The following TRIO variants were observed in gnomAD, a reference collection of about 807,000 sequenced individuals.
TRIO encodes the protein trio Rho guanine nucleotide exchange factor.
Under a neutral mutation model 351.9 loss-of-function variants are expected in TRIO, and 58 were observed. That is an observed-to-expected ratio of 0.16 (90% confidence interval 0.13 to 0.21). TRIO has a LOEUF of 0.21. Ranked by LOEUF, TRIO falls within the 10% of genes least tolerant of loss-of-function variation. TRIO has a pLI of 1.00. For missense variants in TRIO, 3,201 were observed against 4,027.8 expected, an observed-to-expected ratio of 0.79 and a Z score of 5.56; for synonymous variants, 1,758 against 1,595.7, an observed-to-expected ratio of 1.10 and a Z score of -2.42.
At chr5:14,269,067 A>C (rs1795847522) in intron 1 of TRIO, among the ~76,000 whole-genome samples, 1 of 152,194 alleles carries the variant, frequency 6.6e-6, no homozygotes, top group African/African-American at 2.4e-5. Flanking sequence ...TGCATTGGAA[A>C]GGAAAATGGC....
intron 41 of TRIO, among the ~76,000 whole-genome samples, chr5:14,478,786 CAAAAAAAAA>C (rs1187243670): frequency 7.4e-5 from 7 of 95,002 alleles, no homozygotes; most frequent in African/African-American, 2.7e-4. Context: ...TCCATCCCTA[CAAAAAAAAA>C]AAAAAAAAAA....
At chr5:14,279,348 A>G (rs1310643922) in intron 2 of TRIO, among the ~76,000 whole-genome samples, 1 of 148,690 alleles carries the variant, frequency 6.7e-6, no homozygotes, top group Non-Finnish European at 1.5e-5. Flanking sequence ...AAAGGAAAGA[A>G]TCTTCTGGGT....
chr5:14,279,945 A>G (rs945339758), intron 2 of TRIO, among the ~76,000 whole-genome samples: 6 of 152,230 alleles, frequency 3.9e-5, no homozygotes, highest in African/African-American at 1.4e-4. Context: ...CAATGGGGAA[A>G]AATGTGGGGG....
intron 53 of TRIO, chr5:14,499,261 CA>C (rs1757110392): frequency 6.6e-6 from 1 of 152,560 alleles, no homozygotes; most frequent in Admixed American, 6.5e-5. Flanking sequence ...CTGCTTGCTC[CA>C]GTGTGAAGAG....
Position 14,143,690 on chromosome 5 carries a change from C to A in TRIO, c.-36C>A. 1.0e-6 allele frequency: 1 copy of A among 967,426 alleles called. No individual in the cohort carries two copies. The highest frequency in any genetic ancestry group is 1.2e-6 in the Non-Finnish European group (1 of 817,388). The allele number at this position is 967,426 out of a possible 1,614,324, so 59.9% of individuals were successfully genotyped here. ...GGCACGCGGCGCTAGGGGCGCGGGGCCCGAGGCGGGCGCGGCCGCGGGCGC... is the reference window on the plus strand; with the variant it reads ...GGCACGCGGCGCTAGGGGCGCGGGGACCGAGGCGGGCGCGGCCGCGGGCGC... On this transcript the variant is annotated 5_prime_UTR_variant, in exon 1 of 57. Coordinates refer to ENST00000344204, the MANE Select transcript of TRIO (RefSeq NM_007118.4).
intron 2 of TRIO, among the ~76,000 whole-genome samples, chr5:14,279,501 C>G (rs182130223): frequency 4.6e-5 from 7 of 152,296 alleles, no homozygotes; most frequent in Admixed American, 1.3e-4. Context: ...AATGAAGGAT[C>G]CACTTGAGAA....
At chr5:14,157,122 A>C (rs958436050) in intron 1 of TRIO, among the ~76,000 whole-genome samples, 13 of 152,194 alleles carry the variant, frequency 8.5e-5, no homozygotes, top group Admixed American at 2.0e-4. Flanking sequence ...AGTACATTCT[A>C]CAAGGAGGAG....
At chr5:14,197,766 G>C (rs1461429010) in intron 1 of TRIO, among the ~76,000 whole-genome samples, 2 of 152,186 alleles carry the variant, frequency 1.3e-5, no homozygotes, top group Admixed American at 6.5e-5. Context: ...TTCAAGCCCT[G>C]ATTCTCACAG....
At chr5:14,416,584 T>C (rs1449342670) in intron 33 of TRIO, among the ~76,000 whole-genome samples, 1 of 152,234 alleles carries the variant, frequency 6.6e-6, no homozygotes, top group African/African-American at 2.4e-5. Context: ...ACTTTGTATA[T>C]GATTCTTTGG....
chr5:14,193,213 GAC>G (rs1464862746), intron 1 of TRIO, among the ~76,000 whole-genome samples: 12 of 152,168 alleles, frequency 7.9e-5, no homozygotes, highest in Non-Finnish European at 1.6e-4. Context: ...AATATATCGT[GAC>G]ACAAAAGGAT....
chr5:14,495,043 A>C (rs1030107686), intron 49 of TRIO, among the ~76,000 whole-genome samples: 1 of 152,236 alleles, frequency 6.6e-6, no homozygotes, highest in Non-Finnish European at 1.5e-5. Flanking sequence ...AACACTCATG[A>C]ATCATGGGAG....
chr5:14,349,321 G>A (rs906573974), intron 11 of TRIO, among the ~76,000 whole-genome samples: 1 of 151,800 alleles, frequency 6.6e-6, no homozygotes, highest in Non-Finnish European at 1.5e-5. Context: ...GTGTATATGT[G>A]TGTGCACGCA....
chr5:14,476,574 T>A (rs1158228675), intron 40 of TRIO, among the ~76,000 whole-genome samples: 1 of 152,078 alleles, frequency 6.6e-6, no homozygotes, highest in African/African-American at 2.4e-5. Context: ...GGCGGATCAC[T>A]TGAGGTCAGG....
In TRIO at chr5:14,482,608, G is replaced by C; in HGVS notation, c.6492G>C (p.Leu2164=). 6.5e-7 allele frequency: 1 copy of C among 1,536,894 alleles called. No homozygotes were observed. The highest frequency in any genetic ancestry group is 8.8e-7 in the Non-Finnish European group (1 of 1,134,890). ...FDGKIVAQGK[L]LLQDTFLVTD... ...GGAAAATCGTTGCCCAGGGTAAACT[G>C]CTCTTGCAGGACACATTCTTGGTCA... The change falls in exon 46 of 57, where the codon CTG becomes CTC. Residue 2164 remains leucine (L), a synonymous_variant. Coordinates refer to ENST00000344204, the MANE Select transcript of TRIO (RefSeq NM_007118.4).
At chr5:14,358,037 T>TTCCC (rs1743792896) in intron 11 of TRIO, 141 bp from the exon 12 acceptor site, 5 of 1,021,094 alleles carry the variant, frequency 4.9e-6, no homozygotes, top group Non-Finnish European at 5.5e-6. Flanking sequence ...CCTTCCTTCC[T>TTCCC]TCCCTCCGGG....
intron 35 of TRIO, among the ~76,000 whole-genome samples, chr5:14,461,951 A>G (rs1171218981): frequency 6.6e-6 from 1 of 152,178 alleles, no homozygotes; most frequent in Non-Finnish European, 1.5e-5. Flanking sequence ...TTGACAAGGG[A>G]GGCTTTAAAT....
At chr5:14,408,491 G>T (rs1309525404) in intron 33 of TRIO, among the ~76,000 whole-genome samples, 1 of 152,158 alleles carries the variant, frequency 6.6e-6, no homozygotes, top group Admixed American at 6.5e-5. Context: ...GTAGTAAAAA[G>T]AAATAAGATA....
At chr5:14,379,276 C>T (rs1745852599) in intron 20 of TRIO, among the ~76,000 whole-genome samples, 1 of 152,228 alleles carries the variant, frequency 6.6e-6, no homozygotes, top group Admixed American at 6.5e-5. Context: ...TCATATGCAG[C>T]TGATCCAGAG....
chr5:14,456,979 T>TA (rs1753360510), intron 34 of TRIO, among the ~76,000 whole-genome samples: 3 of 152,208 alleles, frequency 2.0e-5, no homozygotes, highest in Admixed American at 2.0e-4. Context: ...CATGGGCTGT[T>TA]ACATTCCATT....
Sources: gnomAD v4.1 joint callset for allele counts (sites outside exome capture counted in the v4.1 genomes callset) on GRCh38, gnomAD v4.1.1 for gene constraint, MANE v1.5 for transcripts, NCBI Gene and HGNC (gene_info 2026-07-23, HGNC 2026-07-21) for gene names.